The following RNFT1 variants were observed in gnomAD, a reference collection of about 807,000 sequenced individuals.
RNFT1 encodes E3 ubiquitin-protein ligase RNFT1.
Under a neutral mutation model 53.2 loss-of-function variants are expected in RNFT1, and 35 were observed. That is an observed-to-expected ratio of 0.66 (90% CI 0.50 to 0.87). RNFT1 has a LOEUF of 0.87. Ranked by LOEUF, RNFT1 falls within the 40% of genes least tolerant of loss-of-function variation. RNFT1 has a pLI of 0.00. For synonymous variants in RNFT1, 141 were observed against 172.8 expected, an observed-to-expected ratio of 0.82 and a Z score of 1.44; for missense variants, 421 against 515.0, an observed-to-expected ratio of 0.82 and a Z score of 1.77.
intron 7 of RNFT1, 62 bp downstream of exon 7, chr17:59,956,426 A>G: frequency 8.8e-7 from 1 of 1,139,278 alleles, no homozygotes; most frequent in Non-Finnish European, 1.3e-6. Context: ...CTGCTGAACT[A>G]AAAAAATTTT....
At chr17:59,962,299 T>C (rs1234008269) in intron 3 of RNFT1, 1 of 394,480 alleles carries the variant, frequency 2.5e-6, no homozygotes, top group African/African-American at 2.1e-5. Context: ...TTAATCCTTT[T>C]TACTACTTTA....
At chr17:59,959,885 G>T in intron 4 of RNFT1, 183 bp downstream of exon 4, 1 of 442,998 alleles carries the variant, frequency 2.3e-6, no homozygotes, top group Non-Finnish European at 3.7e-6. Flanking sequence ...ACTCCAGGCT[G>T]GGCGAGAGAG....
chr17:59,962,898 A>G lies in RNFT1; in HGVS notation c.443T>C (p.Phe148Ser). 6.2e-7 allele frequency: 1 copy of G among 1,614,204 alleles called. No homozygotes were observed. The highest frequency in any genetic ancestry group is 8.5e-7 in the Non-Finnish European group (1 of 1,180,024). Residue 148 changes from phenylalanine (F) to serine (S), a missense_variant, in exon 2 of 9, where the codon TTC becomes TCC. Transcript: ENST00000305783. Reference sequence around the variant, plus strand: ...TGGAAGACTTTTTTGCAGCCACTTGAAGAGATAGCGGAATTCTGAGAAGGA... The same window carrying G: ...TGGAAGACTTTTTTGCAGCCACTTGGAGAGATAGCGGAATTCTGAGAAGGA... ...SSSFSEFRYL[F>S]KWLQKSLPYI...
intron 7 of RNFT1, among the ~76,000 whole-genome samples, chr17:59,956,089 T>C (rs1026025108): frequency 6.6e-6 from 1 of 152,076 alleles, no homozygotes; most frequent in African/African-American, 2.4e-5. Flanking sequence ...AAACAATAAA[T>C]TACAATGGAA....
rs765062518 is a variant in RNFT1 at position 59,957,309 on chromosome 17, C to T, written c.920G>A (p.Arg307His). Residue 307 changes from arginine (R) to histidine (H), a missense_variant, in exon 6 of 9, where the codon CGC (arginine) becomes CAC (histidine). Coordinates refer to ENST00000305783, the MANE Select transcript of RNFT1 (RefSeq NM_016125.4). ...AAACTCCCCATAGCTTATAAGGTAG[C>T]GAAACCAAACTGGTATGGGAACAAA... ...RTFVPIPVWF[R>H]YLISYGEFGN... 10 of 1,613,620 alleles carry T rather than the reference C, an allele frequency of 6.2e-6. No individual in the cohort carries two copies. In the African/African-American group the frequency reaches 6.7e-5, roughly 11 times the overall value.
chr17:59,962,476 A>G (rs1568546479), intron 3 of RNFT1, 64 bp downstream of exon 3: 1 of 1,099,794 alleles, frequency 9.1e-7, no homozygotes, highest in Non-Finnish European at 1.4e-6. Context: ...TTCTCTCAAA[A>G]TTATTTCTCT....
At chr17:59,953,890 C>A in intron 8 of RNFT1, 155 bp downstream of exon 8, 1 of 515,144 alleles carries the variant, frequency 1.9e-6, no homozygotes, top group Non-Finnish European at 3.4e-6. Flanking sequence ...ACATAAGGGA[C>A]AAAACTTAGC....
chr17:59,952,722 A>G lies in RNFT1; in HGVS notation c.*255T>C, dbSNP rs549939534. On this transcript the variant is annotated 3_prime_UTR_variant, in exon 9 of 9. Coordinates refer to ENST00000305783, the MANE Select transcript of RNFT1 (RefSeq NM_016125.4). ...GTAACATAAAGAAAACACATTTACA[A>G]TTTAACACTGCAGTTACCTGTCAAA... 1.2e-4 allele frequency: 32 copies of G among 275,708 alleles called. No homozygotes were observed. The highest frequency in any genetic ancestry group is 2.2e-3 in the Middle Eastern group (2 of 908). The allele number at this position is 275,708 out of a possible 1,614,324, so 17.1% of individuals were successfully genotyped here.
chr17:59,959,954 G>A, intron 4 of RNFT1, 114 bp downstream of exon 4: 2 of 962,250 alleles, frequency 2.1e-6, no homozygotes, highest in Non-Finnish European at 2.8e-6. Flanking sequence ...AAAGGAGAAA[G>A]TTAAAAACTG....
chr17:59,952,650 C>G lies in RNFT1; in HGVS notation c.*327G>C, dbSNP rs2045228227. 1 of 171,868 alleles carries G rather than the reference C, an allele frequency of 5.8e-6. No homozygotes were observed. The highest frequency in any genetic ancestry group is 6.3e-5 in the Admixed American group (1 of 15,926). The allele number at this position is 171,868 out of a possible 1,614,324, so 10.6% of individuals were successfully genotyped here. On this transcript the variant is annotated 3_prime_UTR_variant, in exon 9 of 9. Coordinates refer to ENST00000305783, the MANE Select transcript of RNFT1 (RefSeq NM_016125.4). ...CTGAAAACAATGTCAGGAAAGAATA[C>G]CTGAGTTCTCTAAAACCACTAGTTC...
At chr17:59,963,360 T>C in intron 1 of RNFT1, 76 bp from the exon 2 acceptor site, 2 of 1,266,830 alleles carry the variant, frequency 1.6e-6, no homozygotes, top group African/African-American at 1.5e-5. Flanking sequence ...CTGGGTATCC[T>C]TTATTCACTA....
At chr17:59,955,036 A>G (rs561074369) in intron 7 of RNFT1, among the ~76,000 whole-genome samples, 1 of 152,196 alleles carries the variant, frequency 6.6e-6, no homozygotes, top group African/African-American at 2.4e-5. Context: ...TTCTGTAGAA[A>G]TGATGGGGAA....
chr17:59,952,448 A>G lies in RNFT1; in HGVS notation c.*529T>C, dbSNP rs1247458003. On this transcript the variant is annotated 3_prime_UTR_variant, in exon 9 of 9. Coordinates refer to ENST00000305783, the MANE Select transcript of RNFT1 (RefSeq NM_016125.4). ...ATAATGTATCATCCTCAGTAAATTA[A>G]TCTTCACTTAGAAAATGTTACTGAT... The G allele has an allele frequency of 2.6e-5, 4 of 152,364 alleles. No homozygotes were observed. The highest frequency in any genetic ancestry group is 9.6e-5 in the African/African-American group (4 of 41,466). The allele number at this position is 152,364 out of a possible 1,614,324, so 9.4% of individuals were successfully genotyped here. A position where few individuals can be genotyped will look rare whatever the true frequency, so the allele number is the denominator to read the frequency against.
chr17:59,955,360 G>A (rs1220808144), intron 7 of RNFT1, among the ~76,000 whole-genome samples: 1 of 152,056 alleles, frequency 6.6e-6, no homozygotes, highest in African/African-American at 2.4e-5. Context: ...TTACTCATCT[G>A]GCATCTTGGA....
intron 3 of RNFT1, among the ~76,000 whole-genome samples, chr17:59,961,255 C>G (rs556881380): frequency 6.6e-6 from 1 of 151,816 alleles, no homozygotes; most frequent in South Asian, 2.1e-4. Flanking sequence ...CCAGGCTCGT[C>G]TTCAATTCCT....
chr17:59,956,367 CAAAGT>C, intron 7 of RNFT1, 116 bp downstream of exon 7: 2 of 681,042 alleles, frequency 2.9e-6, no homozygotes. Flanking sequence ...AGAAAATAAT[CAAAGT>C]AAAAGAAAAG....
At chr17:59,963,331 AC>A in intron 1 of RNFT1, 47 bp from the exon 2 acceptor site, 1 of 1,505,710 alleles carries the variant, frequency 6.6e-7, no homozygotes, top group Non-Finnish European at 9.1e-7. Context: ...GCAGTTAAAT[AC>A]CAGCAGTATA....
At position 59,958,376 on chromosome 17, in the gene RNFT1, G is replaced by C. The variant is rs146256947; in HGVS notation, c.761C>G (p.Thr254Arg). 2.2e-5 allele frequency: 36 copies of C among 1,605,160 alleles called. No homozygotes were observed. The highest frequency in any genetic ancestry group is 1.4e-5 in the Non-Finnish European group (16 of 1,177,584). The stretch of plus-strand genomic sequence containing the variant: ...GAAAAAGAATTTCAGAATGAAGTCT[G>C]TAATTCCAACAATCCAAAATACTTC... ...FWEVFWIVGI[T>R]DFILKFFFMG... Residue 254 changes from threonine (T) to arginine (R), a missense_variant, in exon 5 of 9, where the codon ACA becomes AGA. Coordinates refer to ENST00000305783, the MANE Select transcript of RNFT1 (RefSeq NM_016125.4).
Position 59,958,305 on chromosome 17 carries a change from G to C in RNFT1, c.832C>G (p.Pro278Ala). Reference protein sequence around the residue: ...LILLVPSFIMPFKSKGYWYML... With the variant: ...LILLVPSFIMAFKSKGYWYML... ...GAGTTTCTTACCTTAGATTTAAAAG[G>C]CATGATGAAAGAAGGCACCAATAAA... The change falls in exon 5 of 9, where the codon CCT (proline) becomes GCT (alanine). Residue 278 changes from proline to alanine, a missense_variant. Transcript: ENST00000305783. 1 of 1,592,116 alleles carries C rather than the reference G, an allele frequency of 6.3e-7. No individual in the cohort carries two copies. The highest frequency in any genetic ancestry group is 8.5e-7 in the Non-Finnish European group (1 of 1,175,128).
Sources: allele counts gnomAD v4.1 joint callset (sites outside exome capture counted in the v4.1 genomes callset), GRCh38; gene constraint gnomAD v4.1.1; transcripts MANE v1.5; gene names NCBI Gene and HGNC (gene_info 2026-07-23, HGNC 2026-07-21).